Variants in ELL observed in about 807,000 individuals in gnomAD.
ELL encodes the protein elongation factor for RNA polymerase II.
ELL carries 18 observed loss-of-function variants against 64.0 expected under a neutral mutation model. The observed-to-expected ratio is 0.28, with a 90% confidence interval of 0.19 to 0.42. The LOEUF is 0.42. Ranked by LOEUF, ELL falls within the 10% of genes least tolerant of loss-of-function variation. The pLI, the probability that ELL is intolerant of heterozygous loss-of-function variation, is 1.00. For synonymous variants in ELL, 399 were observed against 376.2 expected (o/e 1.06, Z -0.70); for missense variants, 797 against 870.4 (o/e 0.92, Z 1.06).
intron 1 of ELL, chr19:18,475,741 A>G (rs1389101586): frequency 6.6e-6 from 1 of 152,288 alleles, no homozygotes; most frequent in Admixed American, 6.5e-5. Flanking sequence ...AAAGCCGACC[A>G]GCAGGTGTCC....
At chr19:18,465,360 G>A (rs1424105205) in intron 4 of ELL, 52 bp downstream of exon 4, 5 of 1,538,586 alleles carry the variant, frequency 3.2e-6, no homozygotes, top group Non-Finnish European at 4.4e-6. Context: ...AATGTCTCCC[G>A]ACACTGGCAG....
chr19:18,470,136 G>T (rs1424692062), intron 2 of ELL, among the ~76,000 whole-genome samples: 1 of 152,256 alleles, frequency 6.6e-6, no homozygotes, highest in Non-Finnish European at 1.5e-5. Flanking sequence ...GGCCAACATG[G>T]CAAAACCCTG....
chr19:18,489,046 C>G (rs1274025887), intron 1 of ELL, among the ~76,000 whole-genome samples: 1 of 152,152 alleles, frequency 6.6e-6, no homozygotes, highest in Non-Finnish European at 1.5e-5. Context: ...GCCTGACAGC[C>G]GGAGGGAGCT....
intron 1 of ELL, among the ~76,000 whole-genome samples, chr19:18,483,069 T>A (rs1975338941): frequency 6.6e-6 from 1 of 152,050 alleles, no homozygotes; most frequent in South Asian, 2.1e-4. Flanking sequence ...GCGTGAGCCA[T>A]CACACTCCCA....
intron 1 of ELL, 147 bp downstream of exon 1, chr19:18,521,774 G>A (rs1976285129): frequency 8.0e-6 from 10 of 1,243,740 alleles, no homozygotes; most frequent in Non-Finnish European, 1.1e-5. Flanking sequence ...CCGGACTGGC[G>A]CCCACTCCGC....
At position 18,460,975 on chromosome 19, in the gene ELL, G is replaced by C. The variant is rs535735025; in HGVS notation, c.744+603C>G. On this transcript the variant is annotated intron_variant, in intron 5 of 11. Coordinates refer to ENST00000262809, the MANE Select transcript of ELL (RefSeq NM_006532.4). ...AGCCTCAGGAACCTCCATGGGTGAG[G>C]GGGGTGGAAGGCAGTCAGGGCCATC... Among the ~76,000 whole-genome samples the C allele has an allele frequency of 6.6e-5, 10 of 152,262 alleles. No individual in the cohort carries two copies. In the South Asian group the frequency reaches 2.1e-3, roughly 32 times the overall value.
At chr19:18,490,146 A>C (rs959516827) in intron 1 of ELL, among the ~76,000 whole-genome samples, 1 of 152,118 alleles carries the variant, frequency 6.6e-6, no homozygotes, top group Non-Finnish European at 1.5e-5. Flanking sequence ...CTTACAAAAA[A>C]CCTGCAAGAA....
intron 2 of ELL, among the ~76,000 whole-genome samples, chr19:18,468,566 A>C: frequency 6.6e-6 from 1 of 152,216 alleles, no homozygotes; most frequent in East Asian, 1.9e-4. Context: ...CAGCCAGGGA[A>C]GCTGGGGACC....
At chr19:18,468,616 T>C (rs919041498) in intron 2 of ELL, among the ~76,000 whole-genome samples, 1 of 152,232 alleles carries the variant, frequency 6.6e-6, no homozygotes, top group Non-Finnish European at 1.5e-5. Context: ...TGTGGGAACC[T>C]GAGCCTGGCC....
At chr19:18,514,513 CAAAAAAAAAAAA>C (rs557236460) in intron 1 of ELL, among the ~76,000 whole-genome samples, 4 of 39,328 alleles carry the variant, frequency 1.0e-4, no homozygotes, top group Non-Finnish European at 1.7e-4. Flanking sequence ...GACTCCATCT[CAAAAAAAAAAAA>C]AAAAAAAAAA....
At chr19:18,482,945 T>C (rs143232150) in intron 1 of ELL, among the ~76,000 whole-genome samples, 51 of 152,064 alleles carry the variant, frequency 3.4e-4, no homozygotes, top group African/African-American at 1.2e-3. Flanking sequence ...AGCTACGTTG[T>C]TTTTTTAACT....
intron 1 of ELL, among the ~76,000 whole-genome samples, chr19:18,500,247 G>C (rs1181863993): frequency 6.9e-6 from 1 of 145,036 alleles, no homozygotes; most frequent in Non-Finnish European, 1.5e-5. Flanking sequence ...GGGTGACAGA[G>C]CAAGACTCCG....
chr19:18,515,257 G>GA (rs1976104754), intron 1 of ELL, among the ~76,000 whole-genome samples: 2 of 152,214 alleles, frequency 1.3e-5, no homozygotes, highest in African/African-American at 4.8e-5. Flanking sequence ...CCTTCTGGGA[G>GA]AATCCACCCA....
chr19:18,516,110 G>A (rs538367936), intron 1 of ELL, among the ~76,000 whole-genome samples: 6 of 152,188 alleles, frequency 3.9e-5, no homozygotes, highest in South Asian at 2.1e-4. Context: ...AAGATAAGTC[G>A]GGCCTCTGGG....
Position 18,467,669 on chromosome 19 carries a change from ACACAAAC to A in ELL, c.184-1758_184-1752del, listed in dbSNP as rs1162278477. 6.0e-4 allele frequency among the ~76,000 whole-genome samples: 55 copies of A among 91,408 alleles called. 1 individual carries two copies. In the East Asian group the frequency reaches 0.016, roughly 27 times the overall value. The allele number at this position is 91,408 out of a possible 152,430, so 60.0% of individuals were successfully genotyped here. A position where few individuals can be genotyped will look rare whatever the true frequency, so the allele number is the denominator to read the frequency against. ...CACACACACACACACACACACACAC[ACACAAAC>A]ACAACCCCTCCACACACAATCTCCC... On this transcript the variant is annotated intron_variant, in intron 2 of 11. Coordinates refer to ENST00000262809, the MANE Select transcript of ELL (RefSeq NM_006532.4).
intron 1 of ELL, among the ~76,000 whole-genome samples, chr19:18,494,106 A>C (rs1975592430): frequency 6.6e-6 from 1 of 152,168 alleles, no homozygotes; most frequent in African/African-American, 2.4e-5. Context: ...TCGCCACAAA[A>C]AAAAGTTTCT....
At chr19:18,512,277 A>G (rs1976041563) in intron 1 of ELL, among the ~76,000 whole-genome samples, 1 of 151,996 alleles carries the variant, frequency 6.6e-6, no homozygotes, top group Non-Finnish European at 1.5e-5. Context: ...GTGAGCTGTG[A>G]TCACGTGATT....
chr19:18,476,284 A>C (rs1307547526), intron 1 of ELL, among the ~76,000 whole-genome samples: 1 of 152,246 alleles, frequency 6.6e-6, no homozygotes, highest in South Asian at 2.1e-4. Flanking sequence ...TCTACTGTCC[A>C]TGCGAGGCCT....
At chr19:18,451,766 A>C in intron 6 of ELL, 118 bp from the exon 7 acceptor site, 1 of 781,604 alleles carries the variant, frequency 1.3e-6, no homozygotes, top group Non-Finnish European at 1.9e-6. Flanking sequence ...CCTCCTCCCA[A>C]ATCCAGAGCA....
Sources: allele counts gnomAD v4.1 joint callset (sites outside exome capture counted in the v4.1 genomes callset), GRCh38; gene constraint gnomAD v4.1.1; transcripts MANE v1.5; gene names NCBI Gene and HGNC (gene_info 2026-07-23, HGNC 2026-07-21).